CLEC16A: variants seen among roughly 807,000 people sequenced by gnomAD.
CLEC16A encodes C-type lectin domain containing 16A.
Under a neutral mutation model 109.5 loss-of-function variants are expected in CLEC16A, and 51 were observed. The ratio of observed to expected loss-of-function variants is 0.47; its 90% confidence interval spans 0.37 to 0.59. The LOEUF is 0.59. Ranked by LOEUF, CLEC16A falls within the 20% of genes least tolerant of loss-of-function variation. The probability of loss-of-function intolerance (pLI) is 0.00; values close to 1 mark genes in which losing one functional copy is unlikely to be tolerated. For missense variants in CLEC16A, 1,339 were observed against 1,394.0 expected (o/e 0.96, Z 0.63); for synonymous variants, 673 against 564.2 (o/e 1.19, Z -2.73).
In CLEC16A at chr16:11,062,699, T is replaced by C. The variant is rs1005237324; in HGVS notation, c.2116+1677T>C. On this transcript the variant is annotated intron_variant, in intron 19 of 23. Transcript: ENST00000409790. ...TCTTTTTCTGGCCTTATTTATGTTT[T>C]ATCTTTCCCTTTCTTGGAAGAATAA... Among the ~76,000 whole-genome samples the C allele has an allele frequency of 2.0e-5, 3 of 152,234 alleles. No individual in the cohort carries two copies. The East Asian group carries it at 5.8e-4, about 29-fold the overall frequency.
intron 23 of CLEC16A, among the ~76,000 whole-genome samples, chr16:11,177,116 G>A (rs1280442871): frequency 1.3e-5 from 2 of 152,180 alleles, no homozygotes; most frequent in African/African-American, 2.4e-5. Flanking sequence ...CATGGCTTGG[G>A]GACCCCCAGC....
At chr16:11,145,958 C>T (rs1200885778) in intron 22 of CLEC16A, among the ~76,000 whole-genome samples, 2 of 152,212 alleles carry the variant, frequency 1.3e-5, no homozygotes, top group African/African-American at 2.4e-5. Flanking sequence ...ACCTCACCCC[C>T]GCCATGGTCC....
Position 10,957,860 on chromosome 16 carries a change from C to G in CLEC16A, c.159C>G (p.Ser53=). 1 of 1,613,850 alleles carries G rather than the reference C, an allele frequency of 6.2e-7. No homozygotes were observed. Among genetic ancestry groups the G allele is most frequent in the Non-Finnish European group, 8.5e-7 (1 of 1,179,788 alleles). ...ACCTGCTAGTGGAGACCATCCGTTC[C>G]ATCACTGAGATCCTGATCTGGGGAG... ...NRNLLVETIR[S]ITEILIWGDQ... is the part of the protein sequence containing the mutation. The change falls in exon 2 of 24, where the codon TCC becomes TCG. Residue 53 remains serine, a synonymous_variant. Coordinates refer to ENST00000409790, the MANE Select transcript of CLEC16A (RefSeq NM_015226.3).
At chr16:11,151,363 A>G (rs983532582) in intron 22 of CLEC16A, among the ~76,000 whole-genome samples, 1 of 152,174 alleles carries the variant, frequency 6.6e-6, no homozygotes, top group Admixed American at 6.5e-5. Flanking sequence ...GGGGATGCCC[A>G]CCTGGTCACA....
chr16:10,982,853 A>G, intron 9 of CLEC16A, 25 bp from the exon 10 acceptor site: 2 of 1,370,382 alleles, frequency 1.5e-6, no homozygotes, highest in South Asian at 2.4e-5. Flanking sequence ...TTTCATGCAA[A>G]TCCCGTTTCT....
chr16:11,109,108 C>CAAAA (rs33997945), intron 19 of CLEC16A, among the ~76,000 whole-genome samples: 1 of 58,240 alleles, frequency 1.7e-5, no homozygotes, highest in Non-Finnish European at 3.1e-5. Context: ...GAGACTGTCT[C>CAAAA]AAAAAAAAAA....
intron 3 of CLEC16A, among the ~76,000 whole-genome samples, chr16:10,968,080 G>A (rs1190398071): frequency 6.6e-6 from 1 of 152,232 alleles, no homozygotes; most frequent in Non-Finnish European, 1.5e-5. Flanking sequence ...GCCTTTAGCT[G>A]TCCTGGGGGC....
intron 23 of CLEC16A, 84 bp downstream of exon 23, chr16:11,166,636 G>C: frequency 1.5e-6 from 2 of 1,346,642 alleles, no homozygotes. Context: ...TGACCTCCAG[G>C]TCCTCCTTGT....
At chr16:11,135,899 C>T (rs1053658812) in intron 22 of CLEC16A, among the ~76,000 whole-genome samples, 2 of 152,262 alleles carry the variant, frequency 1.3e-5, no homozygotes, top group Admixed American at 6.5e-5. Context: ...CCAGCCTCAT[C>T]CTCCAGCCTC....
intron 22 of CLEC16A, 193 bp downstream of exon 22, chr16:11,126,339 C>T (rs2052818542): frequency 6.8e-7 from 1 of 1,475,172 alleles, no homozygotes; most frequent in Admixed American, 2.5e-5. Context: ...TTTGGCTTTC[C>T]CTTTAGTGTT....
At chr16:11,081,372 GGTTGCCTCCTC>G (rs1264603802) in intron 19 of CLEC16A, among the ~76,000 whole-genome samples, 2 of 152,140 alleles carry the variant, frequency 1.3e-5, no homozygotes, top group Non-Finnish European at 2.9e-5. Flanking sequence ...GATGTTCCCA[GGTTGCCTCCTC>G]TGTCCTGGGC....
At chr16:11,085,449 G>C (rs530359900) in intron 19 of CLEC16A, among the ~76,000 whole-genome samples, 4 of 152,284 alleles carry the variant, frequency 2.6e-5, no homozygotes, top group African/African-American at 9.6e-5. Flanking sequence ...TGTCACGTGC[G>C]TGAGGCCTTG....
At chr16:10,979,280 C>A in intron 8 of CLEC16A, 49 bp from the exon 9 acceptor site, 1 of 1,559,536 alleles carries the variant, frequency 6.4e-7, no homozygotes, top group Non-Finnish European at 8.8e-7. Context: ...TTGTGCTGCT[C>A]GCTTGTGTGA....
intron 18 of CLEC16A, among the ~76,000 whole-genome samples, chr16:11,052,270 A>G (rs932629940): frequency 7.9e-5 from 12 of 152,192 alleles, no homozygotes; most frequent in African/African-American, 2.7e-4. Flanking sequence ...AGAAAGCACC[A>G]TCACCTTTTC....
chr16:10,963,739 G>C (rs555656863), intron 3 of CLEC16A, among the ~76,000 whole-genome samples: 69 of 152,358 alleles, frequency 4.5e-4, no homozygotes, highest in African/African-American at 1.6e-3. Flanking sequence ...GCCAGCTCTA[G>C]CAAAGCCAGA....
intron 3 of CLEC16A, among the ~76,000 whole-genome samples, chr16:10,962,834 G>T (rs2042315422): frequency 6.6e-6 from 1 of 152,194 alleles, no homozygotes; most frequent in Non-Finnish European, 1.5e-5. Context: ...AAGGTGGGCA[G>T]ATCACTTGAG....
rs2068270141 is a variant in CLEC16A, at chr16:11,166,521, C to T, written c.2775C>T (p.Ser925=). 1.2e-6 allele frequency: 2 copies of T among 1,606,702 alleles called. No homozygotes were observed. Among genetic ancestry groups the T allele is most frequent in the South Asian group, 1.1e-5 (1 of 90,406 alleles). ...GCGACTCTGGAGGCACCAGCTCGTC[C>T]TCCACCCCCTCCACAGCCCAGAGTC... ...SHCDSGGTSS[S]STPSTAQSPA... Residue 925 remains serine, a synonymous_variant, in exon 23 of 24, where the codon TCC becomes TCT. Coordinates refer to ENST00000409790, the MANE Select transcript of CLEC16A (RefSeq NM_015226.3).
intron 19 of CLEC16A, among the ~76,000 whole-genome samples, chr16:11,068,986 C>CTTTT (rs34421150): frequency 8.1e-6 from 1 of 123,466 alleles, no homozygotes; most frequent in Non-Finnish European, 1.7e-5. Flanking sequence ...GGCTAATTTT[C>CTTTT]TTTTTTTTTT....
intron 19 of CLEC16A, among the ~76,000 whole-genome samples, chr16:11,082,830 G>T (rs895229806): frequency 6.6e-5 from 10 of 152,176 alleles, no homozygotes; most frequent in African/African-American, 2.4e-4. Context: ...TTGTTTAGTT[G>T]TGTGTGGGCG....
Sources: gnomAD v4.1 joint callset for allele counts (sites outside exome capture counted in the v4.1 genomes callset) on GRCh38, gnomAD v4.1.1 for gene constraint, MANE v1.5 for transcripts, NCBI Gene and HGNC (gene_info 2026-07-23, HGNC 2026-07-21) for gene names.